Variants in RRM2 observed in about 807,000 individuals in gnomAD.
RRM2 encodes the protein ribonucleotide reductase regulatory subunit M2, also known as ribonucleoside-diphosphate reductase subunit M2.
RRM2 carries 6 observed loss-of-function variants against 45.9 expected under a neutral mutation model. The ratio of observed to expected loss-of-function variants is 0.13; its 90% CI spans 0.07 to 0.26. The LOEUF is 0.26. RRM2 is among the 10% of genes least tolerant of loss of function. RRM2 has a pLI of 1.00. For missense variants in RRM2, 343 were observed against 489.5 expected, an observed-to-expected ratio of 0.70 and a Z score of 2.82; for synonymous variants, 177 against 173.0, an observed-to-expected ratio of 1.02 and a Z score of -0.18.
In RRM2 at chr2:10,205,940, G is replaced by A. The variant is rs979168649; in HGVS notation, n.483-4371G>A. ...ACTCCTGACCTCATATGATCCTCCC[G>A]CCTTGGCTTCCCAAAGTTCTGGGAT... On this transcript the variant is annotated intron_variant and non_coding_transcript_variant, in intron 3 of 3. Transcript: ENST00000381786. The surrounding 1 kb of genome is among the most constrained non-coding windows in gnomAD (Gnocchi z 4.8). Among the ~76,000 whole-genome samples, 7 of 152,058 alleles carry A rather than the reference G, an allele frequency of 4.6e-5. No individual in the cohort carries two copies. Among genetic ancestry groups the A allele is most frequent in the African/African-American group, 1.2e-4 (5 of 41,522 alleles).
At chr2:10,165,868 G>A (rs17313696) in intron 3 of RRM2, among the ~76,000 whole-genome samples, 23,130 of 152,230 alleles carry the variant, frequency 0.15, 1,945 homozygotes, top group South Asian at 0.34. Context: ...CACATGCCCC[G>A]TGGTGACTCC....
chr2:10,155,297 A>G (rs1343467818), intron 3 of RRM2: 1 of 168,992 alleles, frequency 5.9e-6, no homozygotes, highest in African/African-American at 2.4e-5. Flanking sequence ...TATTTTGTAC[A>G]TCTGAGTATT....
Position 10,204,506 on chromosome 2 carries a change from C to A in RRM2, n.483-5805C>A, listed in dbSNP as rs1342247711. Among the ~76,000 whole-genome samples, 1 of 152,234 alleles carries A rather than the reference C, an allele frequency of 6.6e-6. No individual in the cohort carries two copies. Among genetic ancestry groups the A allele is most frequent in the Non-Finnish European group, 1.5e-5 (1 of 68,050 alleles). On this transcript the variant is annotated intron_variant and non_coding_transcript_variant, in intron 3 of 3. Transcript: ENST00000381786. The surrounding 1 kb of genome is among the most constrained non-coding windows in gnomAD (Gnocchi z 4.0). ...GAGCCCACCGGAGCAGCCTACCTGG[C>A]TTCTGTGGTCACTGGCTGTGACCCC...
At chr2:10,181,751 TC>T (rs1664051854) in intron 3 of RRM2, among the ~76,000 whole-genome samples, 2 of 107,016 alleles carry the variant, frequency 1.9e-5, no homozygotes, top group Non-Finnish European at 3.8e-5. Context: ...TCTCTCTCTC[TC>T]TCTTTTTTTT....
chr2:10,124,985 T>A (rs1662749767), intron 5 of RRM2, 135 bp downstream of exon 5: 1 of 730,498 alleles, frequency 1.4e-6, no homozygotes, highest in South Asian at 2.0e-5. Flanking sequence ...GCACCCGTGG[T>A]CATGTCTGCT....
intron 3 of RRM2, among the ~76,000 whole-genome samples, chr2:10,192,217 C>T (rs1420914716): frequency 6.6e-6 from 1 of 152,206 alleles, no homozygotes; most frequent in East Asian, 1.9e-4. Context: ...AGCCTGGGGA[C>T]TGACCTGGGT....
At chr2:10,206,850 A>G (rs1410024667) in intron 3 of RRM2, among the ~76,000 whole-genome samples, 2 of 152,254 alleles carry the variant, frequency 1.3e-5, no homozygotes, top group African/African-American at 4.8e-5. Context: ...ACAGAGCTGG[A>G]TACACAAAGG....
chr2:10,126,612 G>A (rs1662784819), intron 5 of RRM2: 2 of 477,338 alleles, frequency 4.2e-6, no homozygotes, highest in South Asian at 3.5e-5. Context: ...ATGTTTTACT[G>A]TCTGTAGACC....
At chr2:10,186,340 A>G (rs1664166400) in intron 3 of RRM2, among the ~76,000 whole-genome samples, 1 of 147,400 alleles carries the variant, frequency 6.8e-6, no homozygotes, top group Non-Finnish European at 1.5e-5. Context: ...TATTTTTAGT[A>G]GAGACGGAGT....
chr2:10,193,791 C>T (rs939961427), intron 3 of RRM2, among the ~76,000 whole-genome samples: 1 of 152,210 alleles, frequency 6.6e-6, no homozygotes, highest in Non-Finnish European at 1.5e-5. Flanking sequence ...AGAGCAACCC[C>T]TCTTCACCCT....
At chr2:10,150,445 C>CAAA (rs564823462) in intron 3 of RRM2, among the ~76,000 whole-genome samples, 1 of 84,446 alleles carries the variant, frequency 1.2e-5, no homozygotes, top group Non-Finnish European at 2.5e-5. Flanking sequence ...GACTCTGCCT[C>CAAA]AAAAAAAAAA....
downstream of RRM2, among the ~76,000 whole-genome samples, chr2:10,134,424 C>A (rs1005778635): frequency 6.6e-6 from 1 of 152,034 alleles, no homozygotes; most frequent in Non-Finnish European, 1.5e-5. Flanking sequence ...CCCAGTGACA[C>A]GGGAACTAGA....
intron 3 of RRM2, among the ~76,000 whole-genome samples, chr2:10,183,094 C>T (rs540179447): frequency 6.6e-6 from 1 of 152,240 alleles, no homozygotes; most frequent in East Asian, 1.9e-4. Flanking sequence ...TGGCTTGAGC[C>T]CTGGAATTCG....
intron 2 of RRM2, 100 bp from the exon 3 acceptor site, chr2:10,123,286 GC>G: frequency 7.0e-7 from 1 of 1,420,424 alleles, no homozygotes; most frequent in Non-Finnish European, 9.4e-7. Context: ...TTCACATCGG[GC>G]CCCGTGAAAT....
Position 10,169,067 on chromosome 2 carries a change from G to C in RRM2, n.482+26692G>C, listed in dbSNP as rs553132473. On this transcript the variant is annotated intron_variant and non_coding_transcript_variant, in intron 3 of 3. Transcript: ENST00000381786. The surrounding 1 kb of genome is among the most constrained non-coding windows in gnomAD (Gnocchi z 5.1). The stretch of plus-strand genomic sequence containing the variant: ...AGCTCACTGCAGCCTCCACTTCCCA[G>C]GCTCAAGCCATCCTTCCACCTCAGC... Among the ~76,000 whole-genome samples, 1 of 152,170 alleles carries C rather than the reference G, an allele frequency of 6.6e-6. No individual in the cohort carries two copies. Among genetic ancestry groups the C allele is most frequent in the African/African-American group, 2.4e-5 (1 of 41,514 alleles).
At chr2:10,153,487 C>T (rs888957694) in intron 3 of RRM2, among the ~76,000 whole-genome samples, 60 of 151,908 alleles carry the variant, frequency 3.9e-4, no homozygotes, top group Admixed American at 2.4e-3. Context: ...CTCTTTGAGC[C>T]GGTTTCTGGG....
Position 10,204,055 on chromosome 2 carries a change from CT to C in RRM2, n.483-6253del, listed in dbSNP as rs2125334621. 6.6e-6 allele frequency among the ~76,000 whole-genome samples: 1 copy of C among 152,178 alleles called. No individual in the cohort carries two copies. Among genetic ancestry groups the C allele is most frequent in the South Asian group, 2.1e-4 (1 of 4,812 alleles). On this transcript the variant is annotated intron_variant and non_coding_transcript_variant, in intron 3 of 3. Coordinates refer to the RRM2 transcript ENST00000381786. This position sits in a 1 kb window ranked among gnomAD's most constrained non-coding sequence, Gnocchi z 4.0. ...CAGTCCTTGTGATTTTCTGAGCATA[CT>C]TTAGCCTTCTAGCACACTCCTCTCT... is the stretch of plus-strand genomic sequence containing the variant.
rs866366441 is a variant in RRM2, at chr2:10,195,909, G to C, written n.483-14402G>C. Among the ~76,000 whole-genome samples, 6 of 152,324 alleles carry C rather than the reference G, an allele frequency of 3.9e-5. No homozygotes were observed. Among genetic ancestry groups the C allele is most frequent in the African/African-American group, 1.4e-4 (6 of 41,582 alleles). ...AGACTCACACGAGGAAATTCCTTTTGTTCCTACCCTCACTTCCAGTGTTGA... is the reference window on the plus strand; with the variant it reads ...AGACTCACACGAGGAAATTCCTTTTCTTCCTACCCTCACTTCCAGTGTTGA... On this transcript the variant is annotated intron_variant and non_coding_transcript_variant, in intron 3 of 3. Coordinates refer to the RRM2 transcript ENST00000381786. The surrounding 1 kb of genome is among the most constrained non-coding windows in gnomAD (Gnocchi z 4.9).
chr2:10,173,718 C>T (rs1663852686), intron 3 of RRM2, among the ~76,000 whole-genome samples: 1 of 152,236 alleles, frequency 6.6e-6, no homozygotes, highest in Admixed American at 6.5e-5. Context: ...GCCACAAGGC[C>T]AGAAGACCTG....
Sources: allele counts gnomAD v4.1 joint callset (sites outside exome capture counted in the v4.1 genomes callset), GRCh38; gene constraint gnomAD v4.1.1; non-coding constraint Gnocchi (gnomAD v3.1); transcripts MANE v1.5; gene names NCBI Gene and HGNC (gene_info 2026-07-23, HGNC 2026-07-21).